Variants in OR2T8 observed in about 807,000 individuals in gnomAD.
OR2T8 encodes olfactory receptor family 2 subfamily T member 8.
For synonymous variants in OR2T8, 56 were observed against 154.3 expected (o/e 0.36, Z 4.72); for missense variants, 161 against 389.4 (o/e 0.41, Z 4.94).
chr1:247,920,893 AG>A, intron 1 of OR2T8, 104 bp from the exon 2 acceptor site: 1 of 780,834 alleles, frequency 1.3e-6, no homozygotes, highest in Non-Finnish European at 2.0e-6. Context: ...GATTTGACAT[AG>A]GTTTCATCGC....
In OR2T8 at chr1:247,921,022, A is replaced by T. The variant is rs144267169; in HGVS notation, c.5A>T (p.Glu2Val). ...GTGTCACTCTTATTTGAAATCATGG[A>T]AAATGGGAGCTATACCTCTTATTTC... is the stretch of plus-strand genomic sequence containing the variant. M[E>V]NGSYTSYFIL... The change falls in exon 2 of 2, where the codon GAA (glutamate) becomes GTA (valine). Residue 2 changes from glutamate (E) to valine (V), a missense_variant. Coordinates refer to ENST00000641945, the MANE Select transcript of OR2T8 (RefSeq NM_001005522.2). The T allele has an allele frequency of 2.8e-3, 4,464 of 1,596,248 alleles. 8 individuals are homozygous for T. Among genetic ancestry groups the T allele is most frequent in the Non-Finnish European group, 3.5e-3 (4,116 of 1,168,862 alleles).
chr1:247,920,903 G>T (rs915994700), intron 1 of OR2T8, 95 bp from the exon 2 acceptor site: 12 of 868,928 alleles, frequency 1.4e-5, no homozygotes, highest in Non-Finnish European at 1.9e-5. Flanking sequence ...AGGTTTCATC[G>T]CTTTCACACA....
chr1:247,921,711 C>G lies in OR2T8; in HGVS notation c.694C>G (p.Arg232Gly). ...AVLHMRSTEA[R>G]KKAFATCSSH... ...TCTGCACATGCGCTCTACAGAAGCC[C>G]GCAAGAAGGCCTTTGCCACCTGCTC... Residue 232 changes from arginine (R) to glycine (G), a missense_variant, in exon 2 of 2, where the codon CGC (arginine) becomes GGC (glycine). Transcript: ENST00000641945. 6.4e-7 allele frequency: 1 copy of G among 1,572,656 alleles called. No homozygotes were observed.
Position 247,922,165 on chromosome 1 carries a change from C to T in OR2T8, c.*209C>T, listed in dbSNP as rs1001160008. Among the ~76,000 whole-genome samples the T allele has an allele frequency of 1.1e-4, 16 of 152,108 alleles. No homozygotes were observed. Among genetic ancestry groups the T allele is most frequent in the African/African-American group, 3.6e-4 (15 of 41,424 alleles). ...AATCAAATCATGGATTGTTAAAAAT[C>T]GGTGAACTCACTAATCCTTAGTAAG... On this transcript the variant is annotated 3_prime_UTR_variant, in exon 2 of 2. Coordinates refer to ENST00000641945, the MANE Select transcript of OR2T8 (RefSeq NM_001005522.2).
rs376429949 is a variant in OR2T8 at position 247,921,756 on chromosome 1, G to A, written c.739G>A (p.Gly247Arg). 1.9e-6 allele frequency: 3 copies of A among 1,598,302 alleles called. No individual in the cohort carries two copies. The African/African-American group carries it at 4.1e-5, about 22-fold the overall frequency. ...CTGCTCTTCACATGTGGCTGTGGTGGGACTCTTTTATGGAGCTGCCATTTT... is the reference window on the plus strand; with the variant it reads ...CTGCTCTTCACATGTGGCTGTGGTGAGACTCTTTTATGGAGCTGCCATTTT... ...ATCSSHVAVV[G>R]LFYGAAIFTY... Residue 247 changes from glycine (G) to arginine (R), a missense_variant, in exon 2 of 2, where the codon GGA (glycine) becomes AGA (arginine). Physicochemically the swap from Gly to Arg is moderately radical, Grantham distance 125. Transcript: ENST00000641945.
rs1184207787 is a variant in OR2T8, at chr1:247,922,426, T to C, written c.*470T>C. 6.6e-6 allele frequency among the ~76,000 whole-genome samples: 1 copy of C among 152,186 alleles called. No homozygotes were observed. The highest frequency in any genetic ancestry group is 2.4e-5 in the African/African-American group (1 of 41,444). ...CTCAGAAAGGTCCTGCAGGCCCTTT[T>C]CCAGTGATACCCCAGGCCTAAGATA... On this transcript the variant is annotated 3_prime_UTR_variant, in exon 2 of 2. Coordinates refer to ENST00000641945, the MANE Select transcript of OR2T8 (RefSeq NM_001005522.2).
In OR2T8 at chr1:247,922,107, T is replaced by A. The variant is rs4925774; in HGVS notation, c.*151T>A. The A allele has an allele frequency of 0.11, 89,763 of 817,636 alleles. 6,016 individuals carry two copies. The highest frequency in any genetic ancestry group is 0.24 in the Admixed American group (8,346 of 34,594). 50.6% of individuals were successfully genotyped at this position (817,636 alleles called of 1,614,324 possible). The stretch of plus-strand genomic sequence containing the variant: ...CTTTGAATTGCAGATGAATCTTCAT[T>A]CCTCGGGTTCATTTACTCAGCTATC... On this transcript the variant is annotated 3_prime_UTR_variant, in exon 2 of 2. Transcript: ENST00000641945.
Position 247,922,731 on chromosome 1 carries a change from T to C in OR2T8, c.*775T>C, listed in dbSNP as rs1470355657. Among the ~76,000 whole-genome samples, 1 of 152,228 alleles carries C rather than the reference T, an allele frequency of 6.6e-6. No homozygotes were observed. Among genetic ancestry groups the C allele is most frequent in the African/African-American group, 2.4e-5 (1 of 41,466 alleles). ...AAGTTCTGGTGACTGAAATGTATGT[T>C]AATCTCCTATTTGTAATCATATGTT... On this transcript the variant is annotated 3_prime_UTR_variant, in exon 2 of 2. Coordinates refer to ENST00000641945, the MANE Select transcript of OR2T8 (RefSeq NM_001005522.2).
chr1:247,921,907 G>A lies in OR2T8; in HGVS notation c.890G>A (p.Gly297Glu), dbSNP rs755532809. 12 of 1,614,010 alleles carry A rather than the reference G, an allele frequency of 7.4e-6. No homozygotes were observed. Among genetic ancestry groups the A allele is most frequent in the South Asian group, 5.5e-5 (5 of 91,076 alleles). ...AGTGTGAAGAACAGTGAGGTGAAGG[G>A]AGCCCTGACAAGGTGTATGGGTCGG... ...IYSVKNSEVKGALTRCMGRCV... is the reference protein window; with the variant it reads ...IYSVKNSEVKEALTRCMGRCV... The change falls in exon 2 of 2, where the codon GGA (glycine) becomes GAA (glutamate). Residue 297 changes from glycine to glutamate, a missense_variant. By Grantham distance (98) the Gly-to-Glu change is moderately conservative. Coordinates refer to ENST00000641945, the MANE Select transcript of OR2T8 (RefSeq NM_001005522.2).
In OR2T8 at chr1:247,922,111, C is replaced by T. The variant is rs917649389; in HGVS notation, c.*155C>T. The T allele has an allele frequency of 1.2e-5, 4 of 346,184 alleles. No homozygotes were observed. The highest frequency in any genetic ancestry group is 2.2e-5 in the African/African-American group (1 of 44,958). 21.4% of individuals were successfully genotyped at this position (346,184 alleles called of 1,614,324 possible). ...GAATTGCAGATGAATCTTCATTCCTCGGGTTCATTTACTCAGCTATCATTA... is the reference window on the plus strand; with the variant it reads ...GAATTGCAGATGAATCTTCATTCCTTGGGTTCATTTACTCAGCTATCATTA... On this transcript the variant is annotated 3_prime_UTR_variant, in exon 2 of 2. Coordinates refer to ENST00000641945, the MANE Select transcript of OR2T8 (RefSeq NM_001005522.2).
chr1:247,920,986 C>G lies in OR2T8; in HGVS notation c.-20-12C>G, dbSNP rs1305422991. ...AGGATAAACACTCTGTCTTCTTTTT[C>G]TCCATTTGCAGTGTCACTCTTATTT... On this transcript the variant is annotated splice_polypyrimidine_tract_variant and intron_variant, in intron 1 of 1. Coordinates refer to ENST00000641945, the MANE Select transcript of OR2T8 (RefSeq NM_001005522.2). The G allele has an allele frequency of 2.6e-6, 4 of 1,529,210 alleles. No homozygotes were observed. The African/African-American group carries it at 4.1e-5, about 16-fold the overall frequency. 94.7% of individuals were successfully genotyped at this position (1,529,210 alleles called of 1,614,324 possible).
At position 247,920,970 on chromosome 1, in the gene OR2T8, ACT is replaced by A. The variant is rs753995893; in HGVS notation, c.-20-25_-20-24del. 1.2e-5 allele frequency: 17 copies of A among 1,477,608 alleles called. No individual in the cohort carries two copies. In the East Asian group the frequency reaches 3.2e-4, roughly 28 times the overall value. The allele number at this position is 1,477,608 out of a possible 1,614,324, so 91.5% of individuals were successfully genotyped here. On this transcript the variant is annotated intron_variant, in intron 1 of 1. Transcript: ENST00000641945. Reference sequence around the variant, plus strand: ...AAATGGAGTACCATAAAGGATAAACACTCTGTCTTCTTTTTCTCCATTTGCAG... The same window carrying A: ...AAATGGAGTACCATAAAGGATAAACACTGTCTTCTTTTTCTCCATTTGCAG...
At chr1:247,920,668 A>C in intron 1 of OR2T8, 150 bp downstream of exon 1, 1 of 252,292 alleles carries the variant, frequency 4.0e-6, no homozygotes, top group Admixed American at 5.0e-5. Context: ...GTGACAAATT[A>C]TGTGAATCAT....
rs753133095 is a variant in OR2T8 at position 247,921,987 on chromosome 1, G to C, written c.*31G>C. On this transcript the variant is annotated 3_prime_UTR_variant, in exon 2 of 2. Transcript: ENST00000641945. ...TATATTTGCCCCAACATTCAAAACT[G>C]TGCAAAGTGTTTGTGTGGAATTTCC... 5.6e-6 allele frequency: 9 copies of C among 1,597,612 alleles called. No homozygotes were observed. The highest frequency in any genetic ancestry group is 6.8e-6 in the Non-Finnish European group (8 of 1,169,546).
At position 247,921,723 on chromosome 1, in the gene OR2T8, T is replaced by G. The variant is rs1265490840; in HGVS notation, c.706T>G (p.Phe236Val). The change falls in exon 2 of 2, where the codon TTT becomes GTT. Residue 236 changes from phenylalanine to valine, a missense_variant. Transcript: ENST00000641945. ...CTCTACAGAAGCCCGCAAGAAGGCC[T>G]TTGCCACCTGCTCTTCACATGTGGC... Reference protein sequence around the residue: ...MRSTEARKKAFATCSSHVAVV... With the variant: ...MRSTEARKKAVATCSSHVAVV... 6.3e-7 allele frequency: 1 copy of G among 1,588,954 alleles called. No individual in the cohort carries two copies. The highest frequency in any genetic ancestry group is 1.1e-5 in the South Asian group (1 of 90,172).
In OR2T8 at chr1:247,921,951, G is replaced by T; in HGVS notation, c.934G>T (p.Glu312Ter). 1.2e-6 allele frequency: 2 copies of T among 1,613,608 alleles called. No homozygotes were observed. Among genetic ancestry groups the T allele is most frequent in the South Asian group, 2.2e-5 (2 of 90,998 alleles). Reference sequence around the variant, plus strand: ...GGGTCGGTGTGTGGCCTTAAGTCGTGAATAAGACTATATATTTGCCCCAAC... The same window carrying T: ...GGGTCGGTGTGTGGCCTTAAGTCGTTAATAAGACTATATATTTGCCCCAAC... ...CMGRCVALSRE is the reference protein window; with the variant it reads ...CMGRCVALSR The change falls in exon 2 of 2, where the codon GAA becomes TAA. Residue 312 changes from glutamate (E) to a stop codon, truncating the protein, a stop_gained. Coordinates refer to ENST00000641945, the MANE Select transcript of OR2T8 (RefSeq NM_001005522.2). LOFTEE classifies it high-confidence loss of function.
Position 247,922,684 on chromosome 1 carries a change from C to T in OR2T8, c.*728C>T, listed in dbSNP as rs1282976903. 6.6e-6 allele frequency among the ~76,000 whole-genome samples: 1 copy of T among 152,086 alleles called. No homozygotes were observed. The highest frequency in any genetic ancestry group is 1.5e-5 in the Non-Finnish European group (1 of 68,026). Reference sequence around the variant, plus strand: ...GTTTATCCATTATTTTGCTGATGGACATCTGGGCTATTTTCAGTTTGAAGT... The same window carrying T: ...GTTTATCCATTATTTTGCTGATGGATATCTGGGCTATTTTCAGTTTGAAGT... On this transcript the variant is annotated 3_prime_UTR_variant, in exon 2 of 2. Coordinates refer to ENST00000641945, the MANE Select transcript of OR2T8 (RefSeq NM_001005522.2).
chr1:247,920,397 T>A lies in OR2T8; in HGVS notation c.-142T>A, dbSNP rs1285937840. On this transcript the variant is annotated 5_prime_UTR_variant, in exon 1 of 2. Coordinates refer to ENST00000641945, the MANE Select transcript of OR2T8 (RefSeq NM_001005522.2). ...AAGGAGGACTAAATGTGTTCACAAC[T>A]CCAAATTAACTATGTTTTCATCTGC... 2 of 153,080 alleles carry A rather than the reference T, an allele frequency of 1.3e-5. No individual in the cohort carries two copies. Among genetic ancestry groups the A allele is most frequent in the Non-Finnish European group, 2.9e-5 (2 of 68,666 alleles). 9.5% of individuals were successfully genotyped at this position (153,080 alleles called of 1,614,324 possible). A position where few individuals can be genotyped will look rare whatever the true frequency, so the allele number is the denominator to read the frequency against.
intron 1 of OR2T8, among the ~76,000 whole-genome samples, chr1:247,920,760 T>C (rs1451974692): frequency 6.6e-6 from 1 of 152,192 alleles, no homozygotes; most frequent in Non-Finnish European, 1.5e-5. Flanking sequence ...AGAACGTGGA[T>C]TTGTGATATA....
Sources: allele counts gnomAD v4.1 joint callset (sites outside exome capture counted in the v4.1 genomes callset), GRCh38; gene constraint gnomAD v4.1.1; transcripts MANE v1.5; gene names NCBI Gene and HGNC (gene_info 2026-07-23, HGNC 2026-07-21).